Variants in NRG1 observed in about 807,000 individuals in gnomAD.
The protein encoded by NRG1 is pro-neuregulin-1, membrane-bound isoform.
A neutral mutation model predicts 63.8 loss-of-function variants in NRG1; 18 were observed. That is an observed-to-expected ratio of 0.28 (90% confidence interval 0.19 to 0.42). The LOEUF (loss-of-function observed/expected upper bound fraction) is 0.42. NRG1 is among the 10% of genes least tolerant of loss of function. The probability of loss-of-function intolerance (pLI) is 1.00; values close to 1 mark genes in which losing one functional copy is unlikely to be tolerated. For synonymous variants in NRG1, 302 were observed against 301.3 expected (o/e 1.00, Z -0.02); for missense variants, 762 against 814.7 (o/e 0.94, Z 0.79).
At chr8:31,932,866 T>C (rs1834977382) in intron 1 of NRG1, among the ~76,000 whole-genome samples, 1 of 152,210 alleles carries the variant, frequency 6.6e-6, no homozygotes, top group African/African-American at 2.4e-5. Flanking sequence ...TTGCATATAA[T>C]TCCGAATCAC....
intron 1 of NRG1, among the ~76,000 whole-genome samples, chr8:31,648,062 A>T (rs1376145324): frequency 1.5e-5 from 2 of 132,170 alleles, no homozygotes; most frequent in African/African-American, 5.9e-5. Context: ...CTAACTCCCC[A>T]TTCCCTTTCC....
chr8:32,419,395 A>G (rs546255426), intron 1 of NRG1, among the ~76,000 whole-genome samples: 1 of 152,350 alleles, frequency 6.6e-6, no homozygotes, highest in Non-Finnish European at 1.5e-5. Flanking sequence ...TCTCTAAAAC[A>G]GACTCCACAA....
At chr8:32,368,181 A>G (rs775116115) in intron 1 of NRG1, among the ~76,000 whole-genome samples, 1 of 152,206 alleles carries the variant, frequency 6.6e-6, no homozygotes, top group Non-Finnish European at 1.5e-5. Context: ...AAAAAGTGCA[A>G]AAGTTTATAT....
intron 1 of NRG1, among the ~76,000 whole-genome samples, chr8:31,972,398 T>G (rs2129629165): frequency 6.6e-6 from 1 of 152,292 alleles, no homozygotes; most frequent in East Asian, 1.9e-4. Flanking sequence ...TCTCCATATG[T>G]CGACAGGAAT....
At chr8:32,705,723 C>T (rs1457941089) in intron 5 of NRG1, among the ~76,000 whole-genome samples, 2 of 152,044 alleles carry the variant, frequency 1.3e-5, no homozygotes, top group Non-Finnish European at 2.9e-5. Context: ...TGAGTTTAGC[C>T]AAAATCACCA....
At chr8:32,212,615 A>C (rs1014028695) in intron 1 of NRG1, among the ~76,000 whole-genome samples, 9 of 152,178 alleles carry the variant, frequency 5.9e-5, no homozygotes, top group Admixed American at 1.3e-4. Context: ...GATTTTATTT[A>C]AGAACTCATA....
At chr8:32,338,584 C>T (rs1803640939) in intron 1 of NRG1, among the ~76,000 whole-genome samples, 1 of 152,016 alleles carries the variant, frequency 6.6e-6, no homozygotes, top group African/African-American at 2.4e-5. Flanking sequence ...ACTCTCTTCT[C>T]AAATCTGGTA....
rs56189174 is a variant in NRG1 at position 32,347,066 on chromosome 8, T to C, written c.38-248762T>C. ...AGATGGTCTCGATCTCCTGACCTCGTGATCCGCCCGCCTCAGCCTTCTAAA... is the reference window on the plus strand; with the variant it reads ...AGATGGTCTCGATCTCCTGACCTCGCGATCCGCCCGCCTCAGCCTTCTAAA... On this transcript the variant is annotated intron_variant, in intron 1 of 10. Coordinates refer to the NRG1 transcript ENST00000519301. 7.2e-3 allele frequency among the ~76,000 whole-genome samples: 1,092 copies of C among 152,170 alleles called. 4 individuals are homozygous for C. The highest frequency in any genetic ancestry group is 9.5e-3 in the Non-Finnish European group (644 of 68,010).
chr8:32,515,262 A>C (rs867961595), intron 1 of NRG1, among the ~76,000 whole-genome samples: 3 of 152,088 alleles, frequency 2.0e-5, no homozygotes, highest in African/African-American at 7.2e-5. Context: ...TTTTCTCCAC[A>C]GCCTCGCCAG....
At chr8:31,962,103 C>G (rs1213769394) in intron 1 of NRG1, among the ~76,000 whole-genome samples, 1 of 152,118 alleles carries the variant, frequency 6.6e-6, no homozygotes, top group African/African-American at 2.4e-5. Flanking sequence ...GTAGAAATAA[C>G]TATCAGGAAA....
chr8:32,727,246 T>C (rs1202247309), intron 5 of NRG1, among the ~76,000 whole-genome samples: 1 of 152,210 alleles, frequency 6.6e-6, no homozygotes, highest in Non-Finnish European at 1.5e-5. Context: ...TCATTCTAAA[T>C]GGAGATATTT....
chr8:32,452,815 T>A (rs1821133537), intron 1 of NRG1, among the ~76,000 whole-genome samples: 1 of 152,210 alleles, frequency 6.6e-6, no homozygotes, highest in African/African-American at 2.4e-5. Context: ...AATACTAAAG[T>A]GTTTTTTCTC....
chr8:32,388,602 C>CA (rs1323765643), intron 1 of NRG1, among the ~76,000 whole-genome samples: 3 of 151,984 alleles, frequency 2.0e-5, no homozygotes, highest in African/African-American at 7.3e-5. Context: ...GTAGACCATA[C>CA]ACATTGTTTT....
intron 1 of NRG1, among the ~76,000 whole-genome samples, chr8:32,591,560 A>G (rs1842524664): frequency 1.3e-5 from 2 of 152,260 alleles, no homozygotes; most frequent in South Asian, 2.1e-4. Flanking sequence ...TCAAAAGACC[A>G]TAGTGGGGTT....
intron 1 of NRG1, among the ~76,000 whole-genome samples, chr8:32,343,241 T>G (rs1441101037): frequency 6.6e-6 from 1 of 152,198 alleles, no homozygotes; most frequent in Non-Finnish European, 1.5e-5. Context: ...ATATTTGGCT[T>G]AATATATTGT....
rs574852570 is a variant in NRG1, at chr8:31,774,098, G to A, written c.37+134667G>A. ...ACCAAGTGTGATCTGGCCTGAGTCA[G>A]TCTTTTCAACTTCCCCTCCTGCCAC... On this transcript the variant is annotated intron_variant, in intron 1 of 10. Transcript: ENST00000519301. 6.6e-5 allele frequency among the ~76,000 whole-genome samples: 10 copies of A among 152,070 alleles called. No homozygotes were observed. The South Asian group carries it at 1.2e-3, about 19-fold the overall frequency.
chr8:32,297,972 G>T (rs1216175003), intron 1 of NRG1, among the ~76,000 whole-genome samples: 1 of 152,320 alleles, frequency 6.6e-6, no homozygotes, highest in East Asian at 1.9e-4. Context: ...ACTAATTCAT[G>T]ATTTATTTTT....
At chr8:32,222,000 C>T (rs1249043060) in intron 1 of NRG1, among the ~76,000 whole-genome samples, 2 of 151,198 alleles carry the variant, frequency 1.3e-5, no homozygotes, top group Non-Finnish European at 2.9e-5. Context: ...ATTCCTTTCA[C>T]AGCTAAGCTA....
chr8:32,748,784 G>A, intron 7 of NRG1: 1 of 446,530 alleles, frequency 2.2e-6, no homozygotes, highest in Non-Finnish European at 4.5e-6. Flanking sequence ...TTTCCTTACA[G>A]TTTGAAAAAA....
Sources: gnomAD v4.1 joint callset for allele counts (sites outside exome capture counted in the v4.1 genomes callset) on GRCh38, gnomAD v4.1.1 for gene constraint, MANE v1.5 for transcripts, NCBI Gene and HGNC (gene_info 2026-07-23, HGNC 2026-07-21) for gene names.